Variants in TCF4 observed in about 807,000 individuals in gnomAD.
TCF4 encodes the protein SL3-3 enhancer factor 2.
TCF4 carries 3 observed loss-of-function variants against 82.1 expected under a neutral mutation model. That is an observed-to-expected ratio of 0.04 (90% confidence interval 0.02 to 0.09). TCF4 has a LOEUF of 0.09. TCF4 is among the 10% of genes least tolerant of loss of function. The pLI is 1.00. For missense variants in TCF4, 518 were observed against 852.7 expected, an observed-to-expected ratio of 0.61 and a Z score of 4.89; for synonymous variants, 276 against 309.6, an observed-to-expected ratio of 0.89 and a Z score of 1.14.
chr18:55,365,191 A>ATATATATATATATATGTGTGTG (rs1361444592), intron 6 of TCF4, among the ~76,000 whole-genome samples: 16 of 97,926 alleles, frequency 1.6e-4, no homozygotes, highest in African/African-American at 8.1e-4. Context: ...ATATATATAT[A>ATATATATATATATATGTGTGTG]TGTGTGTGTG....
intron 6 of TCF4, among the ~76,000 whole-genome samples, chr18:55,403,103 G>A (rs1269338320): frequency 2.0e-5 from 3 of 152,116 alleles, no homozygotes; most frequent in Non-Finnish European, 2.9e-5. Context: ...ATGACTCCGC[G>A]AAGTATTTCC....
At chr18:55,251,936 T>TTTTTG (rs1555756570) in intron 15 of TCF4, among the ~76,000 whole-genome samples, 4 of 147,728 alleles carry the variant, frequency 2.7e-5, no homozygotes, top group African/African-American at 9.8e-5. Flanking sequence ...TGAGGTTTTT[T>TTTTTG]TTTTTTTTTT....
At chr18:55,242,368 G>A (rs1238520163) in intron 15 of TCF4, among the ~76,000 whole-genome samples, 3 of 150,600 alleles carry the variant, frequency 2.0e-5, no homozygotes, top group South Asian at 2.1e-4. Flanking sequence ...GTCACTGCAC[G>A]GGAGTGTAAT....
At position 55,263,391 on chromosome 18, in the gene TCF4, G is replaced by C. The variant is rs536534565; in HGVS notation, c.923-1858C>G. Among the ~76,000 whole-genome samples the C allele has an allele frequency of 9.2e-5, 14 of 152,192 alleles. No individual in the cohort carries two copies. The East Asian group carries it at 2.1e-3, about 23-fold the overall frequency. On this transcript the variant is annotated intron_variant, in intron 11 of 19. Transcript: ENST00000354452. Reference sequence around the variant, plus strand: ...AGAGTATTAAAAATATTTAATATAAGATAAAATACAACAAATTATATCTAG... The same window carrying C: ...AGAGTATTAAAAATATTTAATATAACATAAAATACAACAAATTATATCTAG...
At position 55,224,574 on chromosome 18, in the gene TCF4, C is replaced by A. The variant is rs1033237037; in HGVS notation, c.*3461G>T. The stretch of plus-strand genomic sequence containing the variant: ...ATGCAAAAGATGAAAATCCTCTTAA[C>A]TCCAAGTCTTGGTTCGACTCCCTCC... On this transcript the variant is annotated 3_prime_UTR_variant, in exon 20 of 20. Transcript: ENST00000354452. 1 of 152,466 alleles carries A rather than the reference C, an allele frequency of 6.6e-6. No homozygotes were observed. Among genetic ancestry groups the A allele is most frequent in the Non-Finnish European group, 1.5e-5 (1 of 68,014 alleles). The allele number at this position is 152,466 out of a possible 1,614,324, so 9.4% of individuals were successfully genotyped here.
intron 6 of TCF4, among the ~76,000 whole-genome samples, chr18:55,362,918 C>G (rs947887881): frequency 3.3e-5 from 5 of 152,158 alleles, no homozygotes; most frequent in African/African-American, 7.2e-5. Flanking sequence ...ATAAACACTT[C>G]TAAAAGACCG....
chr18:55,587,121 G>A lies in TCF4; in HGVS notation c.-5C>T. On this transcript the variant is annotated 5_prime_UTR_variant, in exon 2 of 20. Coordinates refer to ENST00000354452, the MANE Select transcript of TCF4 (RefSeq NM_001083962.2). Reference sequence around the variant, plus strand: ...CATTCGCTGTTGGTGATGCATTTTAGCAAAATCACACAAACCTAGAAACAT... The same window carrying A: ...CATTCGCTGTTGGTGATGCATTTTAACAAAATCACACAAACCTAGAAACAT... 6.2e-7 allele frequency: 1 copy of A among 1,607,180 alleles called. No homozygotes were observed.
intron 3 of TCF4, chr18:55,510,524 T>G: frequency 7.5e-7 from 1 of 1,327,334 alleles, no homozygotes; most frequent in Admixed American, 2.5e-5. Flanking sequence ...AGTCGATAGA[T>G]CAAACATTTT....
intron 5 of TCF4, 132 bp downstream of exon 5, chr18:55,460,887 A>C: frequency 1.3e-6 from 1 of 773,404 alleles, no homozygotes; most frequent in Non-Finnish European, 2.2e-6. Flanking sequence ...TCTGCAATTT[A>C]AGATTATTAC....
intron 6 of TCF4, among the ~76,000 whole-genome samples, chr18:55,374,947 T>C (rs2145693335): frequency 6.7e-6 from 1 of 149,522 alleles, no homozygotes; most frequent in East Asian, 2.0e-4. Context: ...ATATAAGCTA[T>C]TTCAGGACAT....
chr18:55,460,909 C>A (rs2095857880), intron 5 of TCF4, 110 bp downstream of exon 5: 2 of 915,006 alleles, frequency 2.2e-6, no homozygotes, highest in Non-Finnish European at 3.5e-6. Context: ...AGTGAACTGA[C>A]TAAATATCCA....
chr18:55,414,262 C>T (rs552617327), intron 5 of TCF4, among the ~76,000 whole-genome samples: 2 of 151,168 alleles, frequency 1.3e-5, no homozygotes, highest in African/African-American at 4.9e-5. Context: ...ATCATTTATC[C>T]AAAACAAATT....
chr18:55,254,379 T>C, intron 15 of TCF4, 118 bp downstream of exon 15: 1 of 958,364 alleles, frequency 1.0e-6, no homozygotes, highest in Non-Finnish European at 1.6e-6. Context: ...GCTCATCGTA[T>C]GTTAAGTGAA....
intron 3 of TCF4, among the ~76,000 whole-genome samples, chr18:55,537,431 A>T (rs984374961): frequency 1.3e-5 from 2 of 152,062 alleles, no homozygotes; most frequent in Non-Finnish European, 2.9e-5. Context: ...CTCTACAAAA[A>T]ACACAAAAAC....
rs187775400 is a variant in TCF4, at chr18:55,313,101, A to G, written c.550-33445T>C. On this transcript the variant is annotated intron_variant, in intron 8 of 19. Coordinates refer to ENST00000354452, the MANE Select transcript of TCF4 (RefSeq NM_001083962.2). ...GGCTTTAAAATAAAATCAGGCTCCC[A>G]TTTCTTTACTGACCTAGCAAACAGA... Among the ~76,000 whole-genome samples the G allele has an allele frequency of 1.0e-3, 152 of 152,246 alleles. 2 individuals carry two copies. Among genetic ancestry groups the G allele is most frequent in the African/African-American group, 3.3e-3 (136 of 41,560 alleles).
intron 6 of TCF4, among the ~76,000 whole-genome samples, chr18:55,376,131 C>T (rs537558514): frequency 6.6e-6 from 1 of 151,302 alleles, no homozygotes; most frequent in South Asian, 2.1e-4. Flanking sequence ...AAGGGATCCT[C>T]CCACTTCAGC....
chr18:55,530,074 A>C (rs1346309658), intron 3 of TCF4, among the ~76,000 whole-genome samples: 3 of 152,226 alleles, frequency 2.0e-5, no homozygotes, highest in Non-Finnish European at 4.4e-5. Flanking sequence ...TGTGTAACTG[A>C]TTAGGGCAAA....
chr18:55,284,260 A>T (rs1446705171), intron 8 of TCF4: 2 of 152,050 alleles, frequency 1.3e-5, no homozygotes, highest in Non-Finnish European at 2.9e-5. Context: ...AAGATACAAA[A>T]AATTAGCCAG....
At chr18:55,360,206 T>C (rs1385098717) in intron 6 of TCF4, among the ~76,000 whole-genome samples, 3 of 152,204 alleles carry the variant, frequency 2.0e-5, no homozygotes. Flanking sequence ...CTTCCCTTAG[T>C]AGGTAGCAAG....
Sources: allele counts gnomAD v4.1 joint callset (sites outside exome capture counted in the v4.1 genomes callset), GRCh38; gene constraint gnomAD v4.1.1; transcripts MANE v1.5; gene names NCBI Gene and HGNC (gene_info 2026-07-23, HGNC 2026-07-21).